Variants in TMEM117 observed in about 807,000 individuals in gnomAD.
TMEM117 encodes the protein transmembrane protein 117.
A neutral mutation model predicts 52.4 loss-of-function variants in TMEM117; 27 were observed. The observed-to-expected ratio is 0.51, with a 90% CI of 0.38 to 0.71. TMEM117 has a LOEUF of 0.71. Among genes scored for constraint, TMEM117 ranks in the 30% least tolerant of loss-of-function variants. The probability of loss-of-function intolerance (pLI) is 0.00; values close to 1 mark genes in which losing one functional copy is unlikely to be tolerated. For missense variants in TMEM117, 556 were observed against 630.5 expected (o/e 0.88, Z 1.26); for synonymous variants, 215 against 206.3 (o/e 1.04, Z -0.36).
chr12:44,002,109 G>A (rs1370114303), intron 3 of TMEM117, among the ~76,000 whole-genome samples: 2 of 152,126 alleles, frequency 1.3e-5, no homozygotes, highest in Non-Finnish European at 2.9e-5. Flanking sequence ...CCCTCCAAGA[G>A]GAACAACAAC....
chr12:44,378,924 AACAATTGGG>A (rs1951980053), intron 7 of TMEM117, among the ~76,000 whole-genome samples: 1 of 152,122 alleles, frequency 6.6e-6, no homozygotes, highest in African/African-American at 2.4e-5. Context: ...GTGCCATGCA[AACAATTGGG>A]TGTCTGGACT....
At chr12:44,095,972 T>C (rs1260547363) in intron 3 of TMEM117, among the ~76,000 whole-genome samples, 15 of 152,218 alleles carry the variant, frequency 9.9e-5, no homozygotes, top group South Asian at 2.1e-4. Context: ...AAAACCCCAT[T>C]GTCTCAGCCC....
At chr12:43,887,793 A>G (rs1944023959) in intron 2 of TMEM117, among the ~76,000 whole-genome samples, 1 of 152,254 alleles carries the variant, frequency 6.6e-6, no homozygotes, top group Non-Finnish European at 1.5e-5. Context: ...AATCTACTCA[A>G]GAACAACAGT....
At chr12:43,866,390 T>C (rs1430777847) in intron 2 of TMEM117, among the ~76,000 whole-genome samples, 2 of 146,582 alleles carry the variant, frequency 1.4e-5, no homozygotes, top group African/African-American at 2.6e-5. Flanking sequence ...CTGGGACACA[T>C]AGTGAGACCT....
At chr12:43,921,401 A>G (rs933800732) in intron 2 of TMEM117, among the ~76,000 whole-genome samples, 15 of 152,178 alleles carry the variant, frequency 9.9e-5, no homozygotes, top group Admixed American at 7.9e-4. Flanking sequence ...TAAGATTTGG[A>G]GTCTGATAGA....
intron 3 of TMEM117, among the ~76,000 whole-genome samples, chr12:44,087,044 A>C (rs1441393514): frequency 6.7e-6 from 1 of 148,522 alleles, no homozygotes; most frequent in Non-Finnish European, 1.5e-5. Flanking sequence ...TATAATTATA[A>C]ATTATAATTT....
At chr12:44,287,197 T>C (rs185019309) in intron 5 of TMEM117, among the ~76,000 whole-genome samples, 49 of 152,254 alleles carry the variant, frequency 3.2e-4, no homozygotes, top group African/African-American at 9.1e-4. Context: ...GAAAAGGAAA[T>C]AGACTAACTG....
intron 2 of TMEM117, among the ~76,000 whole-genome samples, chr12:43,876,461 A>G (rs1168536880): frequency 1.3e-5 from 2 of 152,210 alleles, no homozygotes; most frequent in South Asian, 2.1e-4. Flanking sequence ...TAGCTGCCAG[A>G]TGGAGGATAA....
chr12:43,935,386 T>C (rs1944935001), intron 2 of TMEM117, among the ~76,000 whole-genome samples: 1 of 152,228 alleles, frequency 6.6e-6, no homozygotes, highest in African/African-American at 2.4e-5. Flanking sequence ...CATTTTATCT[T>C]TTATTCTCTT....
Position 44,133,367 on chromosome 12 carries a change from A to C in TMEM117, c.411-10158A>C, listed in dbSNP as rs531534197. Among the ~76,000 whole-genome samples the C allele has an allele frequency of 1.4e-4, 22 of 152,316 alleles. No homozygotes were observed. In the Middle Eastern group the frequency reaches 0.01, roughly 71 times the overall value. On this transcript the variant is annotated intron_variant, in intron 3 of 7. Coordinates refer to ENST00000266534, the MANE Select transcript of TMEM117 (RefSeq NM_032256.3). ...AACAAGAGGAAAATAGCACTGTAATAGCTAACAGTACTGGTTCCAACAGCG... is the reference window on the plus strand; with the variant it reads ...AACAAGAGGAAAATAGCACTGTAATCGCTAACAGTACTGGTTCCAACAGCG...
At chr12:44,158,869 G>A (rs761328358) in intron 4 of TMEM117, among the ~76,000 whole-genome samples, 3 of 152,198 alleles carry the variant, frequency 2.0e-5, no homozygotes, top group Non-Finnish European at 4.4e-5. Context: ...GTGGCCATCA[G>A]TGTCTGCCCT....
At chr12:43,906,752 C>G (rs1008767876) in intron 2 of TMEM117, among the ~76,000 whole-genome samples, 1 of 152,218 alleles carries the variant, frequency 6.6e-6, no homozygotes, top group Non-Finnish European at 1.5e-5. Flanking sequence ...CCTGGAAAAT[C>G]GGGTCACTCC....
At chr12:44,248,134 C>A (rs1358304677) in intron 5 of TMEM117, among the ~76,000 whole-genome samples, 1 of 152,090 alleles carries the variant, frequency 6.6e-6, no homozygotes, top group East Asian at 1.9e-4. Flanking sequence ...GGACTCCTCT[C>A]AATCGTGTGG....
intron 6 of TMEM117, among the ~76,000 whole-genome samples, chr12:44,368,008 C>T (rs914229022): frequency 2.6e-5 from 4 of 152,128 alleles, no homozygotes; most frequent in Non-Finnish European, 2.9e-5. Context: ...ACATCTCTCA[C>T]GCTCCCGTGA....
chr12:44,027,112 T>TAG (rs1946546842), intron 3 of TMEM117, among the ~76,000 whole-genome samples: 1 of 143,380 alleles, frequency 7.0e-6, no homozygotes, highest in Non-Finnish European at 1.5e-5. Context: ...TTATTTTATT[T>TAG]TATCTTATTA....
the TMEM117 span, among the ~76,000 whole-genome samples, chr12:43,808,740 G>GTAGA: frequency 1.3e-5 from 2 of 149,242 alleles, no homozygotes; most frequent in Non-Finnish European, 3.0e-5. Flanking sequence ...AGTCCAGGAG[G>GTAGA]TAGAGGCTGC....
At position 44,066,151 on chromosome 12, in the gene TMEM117, C is replaced by T. The variant is rs578255827; in HGVS notation, c.411-77374C>T. ...CCCTTGATTACTTGGTGATTGGCAC[C>T]AGAGTAGGTTACAGTCTGTTTACAC... On this transcript the variant is annotated intron_variant, in intron 3 of 7. Coordinates refer to ENST00000266534, the MANE Select transcript of TMEM117 (RefSeq NM_032256.3). Among the ~76,000 whole-genome samples the T allele has an allele frequency of 3.9e-5, 6 of 152,238 alleles. No individual in the cohort carries two copies. The South Asian group carries it at 1.2e-3, about 32-fold the overall frequency.
At chr12:44,108,236 G>C (rs1054545067) in intron 3 of TMEM117, among the ~76,000 whole-genome samples, 20 of 149,956 alleles carry the variant, frequency 1.3e-4, no homozygotes, top group African/African-American at 2.5e-5. Context: ...CTAAGTTTTA[G>C]GGTACATGTG....
chr12:43,975,808 C>A (rs1945662099), intron 3 of TMEM117, among the ~76,000 whole-genome samples: 1 of 152,156 alleles, frequency 6.6e-6, no homozygotes, highest in Non-Finnish European at 1.5e-5. Context: ...AACCCAGTGG[C>A]TTTGTGATAC....
Sources: gnomAD v4.1 joint callset for allele counts (sites outside exome capture counted in the v4.1 genomes callset) on GRCh38, gnomAD v4.1.1 for gene constraint, MANE v1.5 for transcripts, NCBI Gene and HGNC (gene_info 2026-07-23, HGNC 2026-07-21) for gene names.